USP28: variants seen among roughly 807,000 people sequenced by gnomAD.
USP28 encodes ubiquitin carboxyl-terminal hydrolase 28.
USP28 carries 113 observed loss-of-function variants against 145.0 expected under a neutral mutation model. The observed-to-expected ratio is 0.78, with a 90% CI of 0.67 to 0.91. The LOEUF (loss-of-function observed/expected upper bound fraction) is 0.91, where lower values mean the gene tolerates loss of function less well. USP28 is among the 40% of genes least tolerant of loss of function. The pLI, the probability that USP28 is intolerant of heterozygous loss-of-function variation, is 0.00. For synonymous variants in USP28, 447 were observed against 450.9 expected (o/e 0.99, Z 0.11); for missense variants, 1,201 against 1,289.6 (o/e 0.93, Z 1.05).
intron 12 of USP28, among the ~76,000 whole-genome samples, chr11:113,823,323 A>G (rs905776989): frequency 9.2e-5 from 14 of 152,092 alleles, no homozygotes; most frequent in Admixed American, 6.6e-5. Flanking sequence ...AGGGGAGTAG[A>G]AAAAAAGTCT....
chr11:113,845,605 ACT>A (rs1249618827), intron 3 of USP28, among the ~76,000 whole-genome samples: 5 of 152,070 alleles, frequency 3.3e-5, no homozygotes, highest in Admixed American at 3.3e-4. Flanking sequence ...AGAGAGTCTC[ACT>A]CTGTCACCAG....
At chr11:113,804,820 T>C (rs45595543) in intron 20 of USP28, 48 bp downstream of exon 21, 182,973 of 1,611,538 alleles carry the variant, frequency 0.11, 10,862 homozygotes, top group Middle Eastern at 0.19. Flanking sequence ...GAGGAGTCCA[T>C]CTAGCCCAAC....
At chr11:113,823,292 A>C (rs533790069) in intron 12 of USP28, among the ~76,000 whole-genome samples, 1 of 152,118 alleles carries the variant, frequency 6.6e-6, no homozygotes, top group Non-Finnish European at 1.5e-5. Flanking sequence ...TGCTTCTCTC[A>C]TGTTTGTGAA....
chr11:113,808,081 T>C (rs1423099996), intron 18 of USP28: 2 of 1,426,616 alleles, frequency 1.4e-6, no homozygotes, highest in Non-Finnish European at 1.8e-6. Flanking sequence ...CTGTTCTGAC[T>C]GCTCTGCAAG....
rs114209654 is a variant in USP28, at chr11:113,829,864, A to G, written c.911-519T>C. Among the ~76,000 whole-genome samples the G allele has an allele frequency of 7.0e-3, 1,053 of 151,192 alleles. 13 individuals carry two copies. Among genetic ancestry groups the G allele is most frequent in the African/African-American group, 0.024 (983 of 41,268 alleles). On this transcript the variant is annotated intron_variant, in intron 9 of 24. Transcript: ENST00000003302. ...AAAAAAAATGCAAAGACAACCAGAC[A>G]TTATGTACTTCCTAATCAAGAGTTT...
At chr11:113,871,109 G>C (rs1948765496) in intron 1 of USP28, among the ~76,000 whole-genome samples, 1 of 152,212 alleles carries the variant, frequency 6.6e-6, no homozygotes, top group Non-Finnish European at 1.5e-5. Flanking sequence ...GGCAGTGTAT[G>C]CTTGTTTCCT....
chr11:113,826,282 CAAA>C (rs59796496), intron 11 of USP28, among the ~76,000 whole-genome samples: 3 of 99,950 alleles, frequency 3.0e-5, no homozygotes, highest in Admixed American at 1.3e-4. Context: ...GACTCCTTCT[CAAA>C]AAAAAAAAAA....
At chr11:113,799,819 T>C (rs945457079) in intron 24 of USP28, among the ~76,000 whole-genome samples, 2 of 152,082 alleles carry the variant, frequency 1.3e-5, no homozygotes, top group Non-Finnish European at 2.9e-5. Context: ...TCACTAACAA[T>C]AGCTGATGAG....
At chr11:113,835,661 A>C (rs1591330880) in intron 5 of USP28, among the ~76,000 whole-genome samples, 2 of 151,972 alleles carry the variant, frequency 1.3e-5, no homozygotes, top group African/African-American at 4.8e-5. Flanking sequence ...TTGCATTCCT[A>C]CTCTGCTGGC....
rs760584568 is a variant in USP28 at position 113,803,783 on chromosome 11, A to C, written c.2738+15T>G. 3 of 1,607,886 alleles carry C rather than the reference A, an allele frequency of 1.9e-6. No individual in the cohort carries two copies. The East Asian group carries it at 6.7e-5, about 36-fold the overall frequency. On this transcript the variant is annotated intron_variant, in intron 22 of 24. Transcript: ENST00000003302. Reference sequence around the variant, plus strand: ...TCCTGACTAATAATCTTGGTAAAATAAAAGGCCAACATACTTTCCTTTTTG... The same window carrying C: ...TCCTGACTAATAATCTTGGTAAAATCAAAGGCCAACATACTTTCCTTTTTG...
At chr11:113,875,401 C>A in intron 1 of USP28, 44 bp downstream of exon 1, 1 of 1,223,962 alleles carries the variant, frequency 8.2e-7, no homozygotes, top group African/African-American at 1.6e-5. Context: ...CCCCTCAGGG[C>A]CTGGAGCCCG....
intron 17 of USP28, 105 bp downstream of exon 17, chr11:113,808,958 G>A: frequency 9.2e-7 from 1 of 1,090,788 alleles, no homozygotes; most frequent in African/African-American, 1.6e-5. Flanking sequence ...GAAATATACT[G>A]TGAAGACTGT....
chr11:113,847,095 CA>C (rs1251857780), intron 3 of USP28, among the ~76,000 whole-genome samples: 2 of 151,736 alleles, frequency 1.3e-5, no homozygotes, highest in African/African-American at 2.4e-5. Context: ...TTATTTTTAC[CA>C]AAATAATGAA....
chr11:113,846,031 A>G (rs1332420333), intron 3 of USP28, among the ~76,000 whole-genome samples: 1 of 152,252 alleles, frequency 6.6e-6, no homozygotes, highest in Non-Finnish European at 1.5e-5. Context: ...CTTAAAAAGC[A>G]AAGAAATTTG....
intron 1 of USP28, among the ~76,000 whole-genome samples, chr11:113,872,019 T>C (rs1486337349): frequency 6.6e-6 from 1 of 152,192 alleles, no homozygotes; most frequent in Non-Finnish European, 1.5e-5. Flanking sequence ...AGAAACTTCA[T>C]GGAGTTGTGT....
intron 1 of USP28, among the ~76,000 whole-genome samples, chr11:113,856,815 C>A (rs575555287): frequency 6.6e-6 from 1 of 152,018 alleles, no homozygotes; most frequent in African/African-American, 2.4e-5. Flanking sequence ...CGGGTTCAAG[C>A]GATTCTCCTG....
At chr11:113,858,377 G>C (rs1435235537) in intron 1 of USP28, among the ~76,000 whole-genome samples, 2 of 152,024 alleles carry the variant, frequency 1.3e-5, no homozygotes, top group Non-Finnish European at 2.9e-5. Flanking sequence ...ATAGACTGTT[G>C]CTCCTAAAAT....
At position 113,834,350 on chromosome 11, in the gene USP28, GAA is replaced by G; in HGVS notation, c.535-17_535-16del. 1 of 1,580,076 alleles carries G rather than the reference GAA, an allele frequency of 6.3e-7. No homozygotes were observed. Among genetic ancestry groups the G allele is most frequent in the South Asian group, 1.1e-5 (1 of 87,684 alleles). ...TGAAAGAGAGACTGAAATAAAGAAAGAAAGGGATTCATAGCCTTTCCTGAAAA... is the reference window on the plus strand; with the variant it reads ...TGAAAGAGAGACTGAAATAAAGAAAGAGGGATTCATAGCCTTTCCTGAAAA... On this transcript the variant is annotated splice_polypyrimidine_tract_variant and intron_variant, in intron 5 of 24. Coordinates refer to ENST00000003302, the Ensembl canonical transcript of USP28.
chr11:113,845,236 C>T (rs978157614), intron 3 of USP28, among the ~76,000 whole-genome samples: 1 of 151,514 alleles, frequency 6.6e-6, no homozygotes, highest in African/African-American at 2.4e-5. Context: ...GTCATGAGTT[C>T]GAGACCAGCC....
Sources: gnomAD v4.1 joint callset for allele counts (sites outside exome capture counted in the v4.1 genomes callset) on GRCh38, gnomAD v4.1.1 for gene constraint, MANE v1.5 for transcripts, NCBI Gene and HGNC (gene_info 2026-07-23, HGNC 2026-07-21) for gene names.